The following SLC35F4 variants were observed in gnomAD, a reference collection of about 807,000 sequenced individuals.
The protein encoded by SLC35F4 is chromosome 14 open reading frame 36.
In SLC35F4, 24 loss-of-function variants were observed where a neutral mutation model predicts 44.2. The observed-to-expected ratio is 0.54, with a 90% CI of 0.39 to 0.76. The LOEUF is 0.76. SLC35F4 is among the 30% of genes least tolerant of loss of function. The pLI, the probability that SLC35F4 is intolerant of heterozygous loss-of-function variation, is 0.00. For missense variants in SLC35F4, 562 were observed against 586.1 expected (o/e 0.96, Z 0.42); for synonymous variants, 238 against 223.6 (o/e 1.06, Z -0.57).
chr14:57,594,594 G>A lies in SLC35F4; in HGVS notation c.104-470C>T, dbSNP rs116803899. Among the ~76,000 whole-genome samples, 587 of 152,288 alleles carry A rather than the reference G, an allele frequency of 3.9e-3. 3 individuals carry two copies. The highest frequency in any genetic ancestry group is 0.014 in the African/African-American group (574 of 41,552). ...AAATGAACACTAGAAGATGGTATTTGGATTGGTACTTGTGTTCAGAATTAA... is the reference window on the plus strand; with the variant it reads ...AAATGAACACTAGAAGATGGTATTTAGATTGGTACTTGTGTTCAGAATTAA... On this transcript the variant is annotated intron_variant, in intron 1 of 7. Transcript: ENST00000556826.
intron 1 of SLC35F4, among the ~76,000 whole-genome samples, chr14:57,800,926 C>T (rs1296009378): frequency 6.6e-6 from 1 of 152,132 alleles, no homozygotes; most frequent in African/African-American, 2.4e-5. Context: ...GAGAATGGAA[C>T]CAAGTTAGAA....
chr14:57,929,057 A>G, intron 1 of SLC35F4, among the ~76,000 whole-genome samples: 1 of 152,200 alleles, frequency 6.6e-6, no homozygotes, highest in East Asian at 1.9e-4. Flanking sequence ...TCCAGGGAAA[A>G]AGTATTGAAA....
intron 3 of SLC35F4, among the ~76,000 whole-genome samples, chr14:57,583,689 T>TTCCCCTTCTC (rs1338206576): frequency 2.0e-5 from 3 of 152,146 alleles, no homozygotes; most frequent in African/African-American, 7.2e-5. Context: ...TCCCCTTTCT[T>TTCCCCTTCTC]TCCCCTTCTC....
intron 1 of SLC35F4, among the ~76,000 whole-genome samples, chr14:57,803,234 G>A (rs185786048): frequency 6.6e-6 from 1 of 152,044 alleles, no homozygotes; most frequent in Non-Finnish European, 1.5e-5. Context: ...TGCAGAAAAG[G>A]CCTTTGATAA....
chr14:57,703,655 A>G (rs1395848671), intron 1 of SLC35F4, among the ~76,000 whole-genome samples: 1 of 152,188 alleles, frequency 6.6e-6, no homozygotes, highest in Admixed American at 6.5e-5. Flanking sequence ...TTTCCCCTGG[A>G]TGCTAAACTT....
At chr14:57,698,558 T>C (rs763380275) in intron 1 of SLC35F4, among the ~76,000 whole-genome samples, 3 of 152,154 alleles carry the variant, frequency 2.0e-5, no homozygotes, top group South Asian at 4.1e-4. Context: ...GATAATGGAA[T>C]TGGAACACAA....
At chr14:57,906,095 G>A (rs1420237646) in intron 1 of SLC35F4, among the ~76,000 whole-genome samples, 1 of 152,146 alleles carries the variant, frequency 6.6e-6, no homozygotes, top group African/African-American at 2.4e-5. Flanking sequence ...TCCCCCTGGT[G>A]ACCAAAACTC....
chr14:57,709,548 A>C (rs2075765554), intron 1 of SLC35F4, among the ~76,000 whole-genome samples: 1 of 152,086 alleles, frequency 6.6e-6, no homozygotes, highest in Non-Finnish European at 1.5e-5. Flanking sequence ...TATATATTTT[A>C]TTATACTGGA....
intron 1 of SLC35F4, among the ~76,000 whole-genome samples, chr14:57,953,576 G>T (rs1890181806): frequency 6.6e-6 from 1 of 152,082 alleles, no homozygotes; most frequent in African/African-American, 2.4e-5. Flanking sequence ...ATAAAGGGAT[G>T]GAAGAATATT....
At chr14:57,964,820 G>T (rs191620295) in intron 1 of SLC35F4, among the ~76,000 whole-genome samples, 1 of 152,022 alleles carries the variant, frequency 6.6e-6, no homozygotes, top group East Asian at 1.9e-4. Context: ...AAATTACAAT[G>T]CAGGGAGAAG....
At chr14:57,825,015 TA>T (rs1022701602) in intron 1 of SLC35F4, among the ~76,000 whole-genome samples, 3 of 151,632 alleles carry the variant, frequency 2.0e-5, no homozygotes, top group Non-Finnish European at 2.9e-5. Context: ...ATTTCAGGGG[TA>T]AAAAAAGACT....
chr14:57,902,563 C>CAAAA (rs36099939), intron 1 of SLC35F4, among the ~76,000 whole-genome samples: 2 of 128,004 alleles, frequency 1.6e-5, no homozygotes, highest in East Asian at 2.1e-4. Flanking sequence ...AACTCAGTCT[C>CAAAA]AAAAAAAAAA....
At chr14:57,665,713 G>C (rs1399400676) in intron 1 of SLC35F4, among the ~76,000 whole-genome samples, 1 of 152,148 alleles carries the variant, frequency 6.6e-6, no homozygotes, top group Non-Finnish European at 1.5e-5. Context: ...CAATAGCAAA[G>C]ACCTGGAATC....
At chr14:57,818,170 G>A (rs1040360700) in intron 1 of SLC35F4, among the ~76,000 whole-genome samples, 2 of 152,184 alleles carry the variant, frequency 1.3e-5, no homozygotes, top group Non-Finnish European at 2.9e-5. Flanking sequence ...TGCCCCCATG[G>A]CATCAAGGCT....
chr14:57,661,641 G>A (rs1055656487), intron 1 of SLC35F4, among the ~76,000 whole-genome samples: 1 of 152,178 alleles, frequency 6.6e-6, no homozygotes, highest in Non-Finnish European at 1.5e-5. Flanking sequence ...GCTACTGTGA[G>A]TGAAGAAATA....
chr14:57,658,807 A>C (rs1418093815), intron 1 of SLC35F4, among the ~76,000 whole-genome samples: 1 of 152,218 alleles, frequency 6.6e-6, no homozygotes, highest in African/African-American at 2.4e-5. Flanking sequence ...AACAAATCCT[A>C]AAACGGTATC....
intron 1 of SLC35F4, among the ~76,000 whole-genome samples, chr14:57,899,841 T>C (rs1888962501): frequency 1.3e-5 from 2 of 152,296 alleles, no homozygotes; most frequent in South Asian, 2.1e-4. Flanking sequence ...CGGTGAGTGT[T>C]ACAGCTCTTA....
At chr14:57,622,847 A>C (rs78441215) in intron 1 of SLC35F4, among the ~76,000 whole-genome samples, 1 of 151,848 alleles carries the variant, frequency 6.6e-6, no homozygotes, top group South Asian at 2.1e-4. Context: ...AAATAAAAAA[A>C]TTAAAAAAAC....
chr14:57,843,020 G>C (rs1377387090), intron 1 of SLC35F4, among the ~76,000 whole-genome samples: 1 of 152,150 alleles, frequency 6.6e-6, no homozygotes, highest in Non-Finnish European at 1.5e-5. Flanking sequence ...AATTTCTTCA[G>C]TTTTGGACTC....
Sources: allele counts gnomAD v4.1 joint callset (sites outside exome capture counted in the v4.1 genomes callset), GRCh38; gene constraint gnomAD v4.1.1; transcripts MANE v1.5; gene names NCBI Gene and HGNC (gene_info 2026-07-23, HGNC 2026-07-21).